DPYD: variants seen among roughly 807,000 people sequenced by gnomAD.
DPYD encodes dihydropyrimidine dehydrogenase [NADP(+)].
Under a neutral mutation model 116.2 loss-of-function variants are expected in DPYD, and 109 were observed. That is an observed-to-expected ratio of 0.94 (90% CI 0.80 to 1.10). DPYD has a LOEUF of 1.10. Among genes scored for constraint, DPYD ranks in the 50% least tolerant of loss-of-function variants. DPYD has a pLI of 0.00. For synonymous variants in DPYD, 440 were observed against 432.0 expected (o/e 1.02, Z -0.23); for missense variants, 1,302 against 1,254.5 (o/e 1.04, Z -0.57).
intron 20 of DPYD, among the ~76,000 whole-genome samples, chr1:97,141,568 A>G (rs892423534): frequency 1.3e-5 from 2 of 152,058 alleles, no homozygotes; most frequent in Non-Finnish European, 2.9e-5. Flanking sequence ...CTGTCTCCTG[A>G]CTTCCATACT....
chr1:97,415,601 C>T (rs1042315847), intron 14 of DPYD, among the ~76,000 whole-genome samples: 3 of 152,132 alleles, frequency 2.0e-5, no homozygotes, highest in Admixed American at 6.5e-5. Context: ...GGACTACAGG[C>T]GTGAGCCACC....
intron 14 of DPYD, among the ~76,000 whole-genome samples, chr1:97,388,549 C>G (rs949280857): frequency 1.3e-5 from 2 of 152,058 alleles, no homozygotes; most frequent in South Asian, 4.1e-4. Flanking sequence ...GTGATGAATG[C>G]TTCTGAAAGT....
At chr1:97,648,923 T>C (rs1347859663) in intron 8 of DPYD, among the ~76,000 whole-genome samples, 3 of 152,086 alleles carry the variant, frequency 2.0e-5, no homozygotes, top group Admixed American at 2.0e-4. Context: ...AGATCCTCTA[T>C]AGACCCTCAG....
chr1:97,846,327 T>C (rs932018670), intron 2 of DPYD, among the ~76,000 whole-genome samples: 2 of 152,154 alleles, frequency 1.3e-5, no homozygotes, highest in South Asian at 2.1e-4. Context: ...TAAAAAAAAC[T>C]GGGAATCTAA....
chr1:97,094,419 T>C (rs535148624), intron 21 of DPYD, among the ~76,000 whole-genome samples: 1 of 152,268 alleles, frequency 6.6e-6, no homozygotes, highest in African/African-American at 2.4e-5. Context: ...AGCAACACAC[T>C]GAGGCCTCAG....
intron 19 of DPYD, among the ~76,000 whole-genome samples, chr1:97,209,948 C>T (rs538518665): frequency 6.6e-6 from 1 of 152,206 alleles, no homozygotes; most frequent in South Asian, 2.1e-4. Flanking sequence ...TGTTAAGGTC[C>T]TCCTGGTTCA....
intron 20 of DPYD, among the ~76,000 whole-genome samples, chr1:97,140,501 A>G (rs1570535793): frequency 6.6e-6 from 1 of 152,092 alleles, no homozygotes; most frequent in African/African-American, 2.4e-5. Context: ...AAGAGTTGGC[A>G]CCTGCCCTGA....
intron 22 of DPYD, among the ~76,000 whole-genome samples, chr1:97,081,952 T>G (rs1229005866): frequency 2.6e-5 from 4 of 152,112 alleles, no homozygotes; most frequent in Non-Finnish European, 4.4e-5. Context: ...GAAGGAATCA[T>G]AGCCTTTCAG....
At chr1:97,265,044 C>T (rs780258052) in intron 18 of DPYD, among the ~76,000 whole-genome samples, 1 of 152,080 alleles carries the variant, frequency 6.6e-6, no homozygotes, top group African/African-American at 2.4e-5. Context: ...CCCGTTCATC[C>T]GTGGACAGTG....
chr1:97,520,502 C>T (rs987667504), intron 12 of DPYD, among the ~76,000 whole-genome samples: 1 of 151,898 alleles, frequency 6.6e-6, no homozygotes, highest in East Asian at 1.9e-4. Context: ...TAGTATTATT[C>T]TTTGAGTTCT....
intron 7 of DPYD, 66 bp downstream of exon 7, chr1:97,691,651 A>C (rs1377786975): frequency 7.5e-7 from 1 of 1,326,268 alleles, no homozygotes; most frequent in Non-Finnish European, 1.1e-6. Flanking sequence ...TTTGCTGTTA[A>C]TCTTTAGTGT....
chr1:97,620,967 C>T (rs1348259035), intron 8 of DPYD, among the ~76,000 whole-genome samples: 1 of 152,082 alleles, frequency 6.6e-6, no homozygotes, highest in Non-Finnish European at 1.5e-5. Context: ...TCAAACTCAG[C>T]TATCTAACAA....
intron 18 of DPYD, among the ~76,000 whole-genome samples, chr1:97,281,363 T>C (rs4351704): frequency 0.41 from 61,072 of 150,790 alleles, 12,497 homozygotes; most frequent in Middle Eastern, 0.46. Flanking sequence ...AGATAAAGAG[T>C]AGATCCTACC....
intron 14 of DPYD, among the ~76,000 whole-genome samples, chr1:97,431,803 CTTCT>C (rs933656240): frequency 4.0e-5 from 6 of 151,774 alleles, no homozygotes; most frequent in Non-Finnish European, 7.4e-5. Context: ...GTTCTTATTC[CTTCT>C]ATCTAACTAT....
chr1:97,156,319 G>C (rs1655453554), intron 20 of DPYD, among the ~76,000 whole-genome samples: 2 of 151,960 alleles, frequency 1.3e-5, no homozygotes, highest in African/African-American at 4.8e-5. Context: ...TACCATCAGA[G>C]TAAACAGGCA....
chr1:97,376,837 C>A (rs1461733639), intron 15 of DPYD, among the ~76,000 whole-genome samples: 1 of 143,196 alleles, frequency 7.0e-6, no homozygotes, highest in African/African-American at 2.6e-5. Flanking sequence ...TATTTATCAT[C>A]CATCTATACA....
intron 20 of DPYD, among the ~76,000 whole-genome samples, chr1:97,167,052 T>A (rs1656378217): frequency 1.3e-5 from 2 of 152,188 alleles, no homozygotes; most frequent in Admixed American, 6.6e-5. Context: ...AAAGTTTAGA[T>A]TTATAAAAAA....
At chr1:97,614,958 T>C (rs1206363665) in intron 8 of DPYD, among the ~76,000 whole-genome samples, 3 of 152,134 alleles carry the variant, frequency 2.0e-5, no homozygotes, top group African/African-American at 7.2e-5. Flanking sequence ...CTTAAGACTG[T>C]AGGCTTTTAA....
rs1292011806 is a variant in DPYD, at chr1:97,428,590, T to C, written c.1905+21469A>G. 2.0e-5 allele frequency among the ~76,000 whole-genome samples: 3 copies of C among 152,154 alleles called. No individual in the cohort carries two copies. In the East Asian group the frequency reaches 5.8e-4, roughly 29 times the overall value. On this transcript the variant is annotated intron_variant, in intron 14 of 22. Coordinates refer to ENST00000370192, the MANE Select transcript of DPYD (RefSeq NM_000110.4). ...AAGTAACCGGGAGATCCTATGCTAGTAGGCAGCTAAGACTAAGAAATTCAA... is the reference window on the plus strand; with the variant it reads ...AAGTAACCGGGAGATCCTATGCTAGCAGGCAGCTAAGACTAAGAAATTCAA...
Sources: gnomAD v4.1 joint callset for allele counts (sites outside exome capture counted in the v4.1 genomes callset) on GRCh38, gnomAD v4.1.1 for gene constraint, MANE v1.5 for transcripts, NCBI Gene and HGNC (gene_info 2026-07-23, HGNC 2026-07-21) for gene names.